Variants in ST18 observed in about 807,000 individuals in gnomAD.
ST18 encodes suppression of tumorigenicity 18 protein.
In ST18, 50 loss-of-function variants were observed where a neutral mutation model predicts 110.0. That is an observed-to-expected ratio of 0.45 (90% CI 0.36 to 0.58). The LOEUF (loss-of-function observed/expected upper bound fraction) is 0.58, where lower values mean the gene tolerates loss of function less well. Among genes scored for constraint, ST18 ranks in the 20% least tolerant of loss-of-function variants. The pLI is 0.00. For missense variants in ST18, 1,306 were observed against 1,280.1 expected (o/e 1.02, Z -0.31); for synonymous variants, 461 against 452.4 (o/e 1.02, Z -0.24).
intron 2 of ST18, among the ~76,000 whole-genome samples, chr8:52,389,063 G>C (rs578183433): frequency 1.3e-5 from 2 of 151,678 alleles, no homozygotes; most frequent in South Asian, 2.1e-4. Context: ...GCAGCAGGCC[G>C]GGCTGCATGA....
At chr8:52,235,525 CT>C (rs1403205789) in intron 2 of ST18, among the ~76,000 whole-genome samples, 10 of 152,182 alleles carry the variant, frequency 6.6e-5, no homozygotes, top group African/African-American at 2.2e-4. Context: ...GATGATGCCC[CT>C]GACCCTGTGA....
At chr8:52,189,661 C>G (rs2073798174) in intron 8 of ST18, among the ~76,000 whole-genome samples, 1 of 152,156 alleles carries the variant, frequency 6.6e-6, no homozygotes, top group South Asian at 2.1e-4. Flanking sequence ...ACTTGGAGAA[C>G]AATTACCCTG....
intron 2 of ST18, among the ~76,000 whole-genome samples, chr8:52,377,391 T>C (rs1011461657): frequency 6.6e-6 from 1 of 152,172 alleles, no homozygotes; most frequent in Non-Finnish European, 1.5e-5. Context: ...GTTCTATAAG[T>C]TGACATGGGC....
At chr8:52,267,757 A>T (rs949445948) in intron 2 of ST18, among the ~76,000 whole-genome samples, 2 of 152,200 alleles carry the variant, frequency 1.3e-5, no homozygotes, top group Non-Finnish European at 2.9e-5. Flanking sequence ...TTCTCTCAAC[A>T]CACTTCACCT....
At chr8:52,342,879 C>G (rs761714582) in intron 2 of ST18, among the ~76,000 whole-genome samples, 2 of 152,156 alleles carry the variant, frequency 1.3e-5, no homozygotes, top group Admixed American at 6.5e-5. Flanking sequence ...AGGCAATAAT[C>G]TTTTTGGATG....
At chr8:52,260,876 A>G (rs2094671222) in intron 2 of ST18, among the ~76,000 whole-genome samples, 1 of 152,244 alleles carries the variant, frequency 6.6e-6, no homozygotes, top group Admixed American at 6.5e-5. Flanking sequence ...CTGTGATTTG[A>G]CATAGTAGAC....
chr8:52,345,456 G>A (rs1038122227), intron 2 of ST18, among the ~76,000 whole-genome samples: 6 of 152,250 alleles, frequency 3.9e-5, no homozygotes, highest in Non-Finnish European at 4.4e-5. Flanking sequence ...GAAATGCAGG[G>A]AGAAAGCTGT....
chr8:52,113,450 G>T, intron 25 of ST18, 112 bp from the exon 26 acceptor site: 1 of 1,265,872 alleles, frequency 7.9e-7, no homozygotes, highest in Non-Finnish European at 1.1e-6. Flanking sequence ...GAAGGCAAGG[G>T]TGCATATGAC....
intron 2 of ST18, among the ~76,000 whole-genome samples, chr8:52,279,331 C>G (rs1371406098): frequency 6.6e-6 from 1 of 151,940 alleles, no homozygotes; most frequent in Admixed American, 6.6e-5. Context: ...ATGTGAAGAA[C>G]TGGGAGACAC....
chr8:52,250,662 A>G (rs2094241059), intron 2 of ST18, among the ~76,000 whole-genome samples: 1 of 78,326 alleles, frequency 1.3e-5, no homozygotes, highest in African/African-American at 4.6e-5. Context: ...ATCACCATCC[A>G]AAAAAAAAAA....
intron 2 of ST18, among the ~76,000 whole-genome samples, chr8:52,376,810 A>G (rs1472459384): frequency 1.3e-5 from 2 of 152,222 alleles, no homozygotes; most frequent in African/African-American, 4.8e-5. Context: ...ATCTGAGGTT[A>G]CATGATCGAA....
intron 2 of ST18, among the ~76,000 whole-genome samples, chr8:52,282,109 T>C (rs1226063130): frequency 6.6e-6 from 1 of 152,224 alleles, no homozygotes; most frequent in East Asian, 1.9e-4. Flanking sequence ...AAAGATATGA[T>C]TCCAATCACA....
chr8:52,323,032 G>T (rs1289799085), intron 2 of ST18, among the ~76,000 whole-genome samples: 1 of 152,224 alleles, frequency 6.6e-6, no homozygotes, highest in Admixed American at 6.5e-5. Context: ...GTAGGAGTCA[G>T]ACAGGTTTCC....
chr8:52,136,951 C>G (rs936470081), intron 18 of ST18, among the ~76,000 whole-genome samples: 2 of 152,202 alleles, frequency 1.3e-5, no homozygotes, highest in Non-Finnish European at 2.9e-5. Flanking sequence ...AGAGTCCATT[C>G]CTGCTGCACA....
intron 2 of ST18, among the ~76,000 whole-genome samples, chr8:52,294,257 G>A (rs1355518484): frequency 6.6e-6 from 1 of 152,206 alleles, no homozygotes; most frequent in East Asian, 1.9e-4. Flanking sequence ...CCAAAATGAA[G>A]CCAACCTGAG....
At chr8:52,274,689 CAT>C (rs1309067520) in intron 2 of ST18, among the ~76,000 whole-genome samples, 1 of 152,164 alleles carries the variant, frequency 6.6e-6, no homozygotes, top group African/African-American at 2.4e-5. Context: ...TCTAGTTGCA[CAT>C]AGTTTTGATA....
At chr8:52,234,700 T>C (rs1228198616) in intron 2 of ST18, among the ~76,000 whole-genome samples, 8 of 151,440 alleles carry the variant, frequency 5.3e-5, no homozygotes. Flanking sequence ...CAAATGTCCA[T>C]CAATCAACAA....
intron 3 of ST18, among the ~76,000 whole-genome samples, chr8:52,225,240 A>G (rs1217077964): frequency 6.6e-6 from 1 of 152,224 alleles, no homozygotes; most frequent in Admixed American, 6.5e-5. Flanking sequence ...ACCTGATTTA[A>G]GTAACAAAAT....
In ST18 at chr8:52,293,086, G is replaced by A. The variant is rs544807973; in HGVS notation, c.-464-63009C>T. Among the ~76,000 whole-genome samples, 5 of 152,278 alleles carry A rather than the reference G, an allele frequency of 3.3e-5. No individual in the cohort carries two copies. The East Asian group carries it at 5.8e-4, about 18-fold the overall frequency. ...TATGTGTGTGGATATTTATGTGTCC[G>A]CATATATACCCCTAAAATGTGGTTT... On this transcript the variant is annotated intron_variant, in intron 2 of 25. Coordinates refer to ENST00000689386, the MANE Select transcript of ST18 (RefSeq NM_001352837.2).
Sources: allele counts gnomAD v4.1 joint callset (sites outside exome capture counted in the v4.1 genomes callset), GRCh38; gene constraint gnomAD v4.1.1; transcripts MANE v1.5; gene names NCBI Gene and HGNC (gene_info 2026-07-23, HGNC 2026-07-21).